The following CDH12 variants were observed in gnomAD, a reference collection of about 807,000 sequenced individuals.
CDH12 encodes the protein cadherin 12.
A neutral mutation model predicts 74.1 loss-of-function variants in CDH12; 41 were observed. The observed-to-expected ratio is 0.55, with a 90% CI of 0.43 to 0.72. The LOEUF is 0.72. CDH12 is among the 30% of genes least tolerant of loss of function. The probability of loss-of-function intolerance (pLI) is 0.00; values close to 1 mark genes in which losing one functional copy is unlikely to be tolerated. For missense variants in CDH12, 945 were observed against 977.2 expected (o/e 0.97, Z 0.44); for synonymous variants, 399 against 355.0 (o/e 1.12, Z -1.39).
intron 1 of CDH12, among the ~76,000 whole-genome samples, chr5:22,733,610 C>T (rs1271600080): frequency 3.3e-5 from 5 of 151,808 alleles, no homozygotes; most frequent in African/African-American, 9.7e-5. Context: ...GCATCAATTT[C>T]CATGTAAAGT....
intron 2 of CDH12, among the ~76,000 whole-genome samples, chr5:22,475,570 C>T (rs1405609429): frequency 1.3e-5 from 2 of 151,960 alleles, no homozygotes; most frequent in East Asian, 1.9e-4. Context: ...ATTAGAGTCA[C>T]TAGGATTCTA....
At chr5:21,906,670 G>C (rs1343612065) in intron 6 of CDH12, among the ~76,000 whole-genome samples, 1 of 152,096 alleles carries the variant, frequency 6.6e-6, no homozygotes, top group East Asian at 1.9e-4. Context: ...AACTTTATTG[G>C]AACTTTGGGA....
intron 1 of CDH12, among the ~76,000 whole-genome samples, chr5:22,602,489 A>C (rs1204346072): frequency 6.6e-6 from 1 of 152,166 alleles, no homozygotes; most frequent in Non-Finnish European, 1.5e-5. Context: ...TCCAGGTTCA[A>C]GGTAATCTTG....
At chr5:21,958,582 T>G (rs1017871219) in intron 6 of CDH12, among the ~76,000 whole-genome samples, 16 of 152,172 alleles carry the variant, frequency 1.1e-4, no homozygotes, top group African/African-American at 3.6e-4. Flanking sequence ...TTTGTCAGTT[T>G]TATTGATGAT....
chr5:22,556,057 TA>T (rs35517918), intron 1 of CDH12, among the ~76,000 whole-genome samples: 26,075 of 148,376 alleles, frequency 0.18, 2,759 homozygotes, highest in East Asian at 0.37. Context: ...TCTGAGAATT[TA>T]AAAAAAAAAA....
chr5:22,658,681 A>G (rs564953859), intron 1 of CDH12, among the ~76,000 whole-genome samples: 1 of 152,264 alleles, frequency 6.6e-6, no homozygotes, highest in African/African-American at 2.4e-5. Flanking sequence ...TACATAAGAA[A>G]TAACCATCAC....
chr5:22,800,703 C>A (rs544440987), intron 1 of CDH12, among the ~76,000 whole-genome samples: 1 of 152,138 alleles, frequency 6.6e-6, no homozygotes, highest in East Asian at 1.9e-4. Context: ...CCTTTTCATA[C>A]CTCTCTCCTA....
At chr5:21,924,537 CATAA>C (rs70957079) in intron 6 of CDH12, among the ~76,000 whole-genome samples, 2,036 of 151,184 alleles carry the variant, frequency 0.013, 44 homozygotes, top group African/African-American at 0.044. Context: ...TACATGAATA[CATAA>C]ATAAATAAAT....
intron 10 of CDH12, among the ~76,000 whole-genome samples, chr5:21,794,726 C>T (rs1287757236): frequency 6.6e-6 from 1 of 151,480 alleles, no homozygotes; most frequent in African/African-American, 2.4e-5. Flanking sequence ...TACTTTGAGT[C>T]CTAGCTATTG....
Position 22,195,836 on chromosome 5 carries a change from A to G in CDH12, c.-187+16662T>C, listed in dbSNP as rs1322288350. ...TAAATTTAGCTCAATATGAGGGAATAAAAGCCTGGTGTGAAAAACTCTTTT... is the reference window on the plus strand; with the variant it reads ...TAAATTTAGCTCAATATGAGGGAATGAAAGCCTGGTGTGAAAAACTCTTTT... On this transcript the variant is annotated intron_variant, in intron 4 of 14. Coordinates refer to ENST00000382254, the MANE Select transcript of CDH12 (RefSeq NM_004061.5). Among the ~76,000 whole-genome samples, 3 of 152,154 alleles carry G rather than the reference A, an allele frequency of 2.0e-5. No individual in the cohort carries two copies. The East Asian group carries it at 5.8e-4, about 29-fold the overall frequency.
At chr5:22,705,128 T>TACAC (rs1467369851) in intron 1 of CDH12, among the ~76,000 whole-genome samples, 32 of 86,462 alleles carry the variant, frequency 3.7e-4, no homozygotes, top group African/African-American at 1.4e-3. Context: ...TATATATATA[T>TACAC]ATACACACAC....
intron 4 of CDH12, among the ~76,000 whole-genome samples, chr5:22,081,185 A>G (rs1742702291): frequency 6.6e-6 from 1 of 152,120 alleles, no homozygotes; most frequent in Non-Finnish European, 1.5e-5. Flanking sequence ...TAGACAATAC[A>G]GTTTGAATCA....
At chr5:22,033,729 A>T (rs1189813400) in intron 5 of CDH12, among the ~76,000 whole-genome samples, 2 of 152,208 alleles carry the variant, frequency 1.3e-5, no homozygotes, top group African/African-American at 4.8e-5. Flanking sequence ...ACACTTGGAA[A>T]AAATGAATTC....
chr5:22,121,813 C>T (rs1366038070), intron 4 of CDH12, among the ~76,000 whole-genome samples: 3 of 151,998 alleles, frequency 2.0e-5, no homozygotes, highest in Non-Finnish European at 2.9e-5. Flanking sequence ...AGAACATTAC[C>T]AAGCCCTCTG....
chr5:21,750,941 T>TTTTC lies in CDH12; in HGVS notation c.*795_*796insGAAA, dbSNP rs1744008810. 6.6e-6 allele frequency: 1 copy of TTTTC among 150,410 alleles called. No individual in the cohort carries two copies. The highest frequency in any genetic ancestry group is 6.6e-5 in the Admixed American group (1 of 15,108). 9.3% of individuals were successfully genotyped at this position (150,410 alleles called of 1,614,324 possible). ...GGCCTCTCTTTATAAAGAGGAATAT[T>TTTTC]TTTTCTTTTTTTTCTTTCTTTTTTT... On this transcript the variant is annotated 3_prime_UTR_variant, in exon 15 of 15. Coordinates refer to ENST00000382254, the MANE Select transcript of CDH12 (RefSeq NM_004061.5).
At chr5:22,774,190 G>A (rs1746967480) in intron 1 of CDH12, among the ~76,000 whole-genome samples, 1 of 151,988 alleles carries the variant, frequency 6.6e-6, no homozygotes, top group Admixed American at 6.6e-5. Flanking sequence ...GTTCATTGTA[G>A]CACTATTCAC....
intron 4 of CDH12, among the ~76,000 whole-genome samples, chr5:22,147,494 G>A (rs1286127214): frequency 1.3e-5 from 2 of 151,756 alleles, no homozygotes; most frequent in Non-Finnish European, 2.9e-5. Flanking sequence ...GTAGGTATTG[G>A]TAATTAATTA....
intron 4 of CDH12, among the ~76,000 whole-genome samples, chr5:22,165,246 T>G (rs1325041110): frequency 6.6e-6 from 1 of 152,158 alleles, no homozygotes; most frequent in African/African-American, 2.4e-5. Flanking sequence ...GATCAGTTCT[T>G]GTTACTTCTC....
intron 1 of CDH12, among the ~76,000 whole-genome samples, chr5:22,541,778 TAAATGAC>T (rs1321740898): frequency 2.6e-5 from 4 of 152,158 alleles, no homozygotes; most frequent in Non-Finnish European, 5.9e-5. Context: ...CTTGGCCTCT[TAAATGAC>T]AATGAGTAAA....
Sources: allele counts gnomAD v4.1 joint callset (sites outside exome capture counted in the v4.1 genomes callset), GRCh38; gene constraint gnomAD v4.1.1; transcripts MANE v1.5; gene names NCBI Gene and HGNC (gene_info 2026-07-23, HGNC 2026-07-21).